Variants in CACNA1D observed in about 807,000 individuals in gnomAD.
CACNA1D encodes voltage-dependent L-type calcium channel subunit alpha-1D.
In CACNA1D, 55 loss-of-function variants were observed where a neutral mutation model predicts 257.1. The observed-to-expected ratio is 0.21, with a 90% CI of 0.17 to 0.27. The LOEUF (loss-of-function observed/expected upper bound fraction) is 0.27. CACNA1D is among the 10% of genes least tolerant of loss of function. CACNA1D has a pLI of 1.00. For missense variants in CACNA1D, 1,876 were observed against 2,784.0 expected, an observed-to-expected ratio of 0.67 and a Z score of 7.34; for synonymous variants, 980 against 1,014.9, an observed-to-expected ratio of 0.97 and a Z score of 0.65.
chr3:53,648,639 C>G (rs548734159), intron 3 of CACNA1D, among the ~76,000 whole-genome samples: 1 of 151,830 alleles, frequency 6.6e-6, no homozygotes, highest in African/African-American at 2.4e-5. Flanking sequence ...AGGGCATCCT[C>G]GTAGCTCTGA....
chr3:53,513,678 A>T (rs142179592), intron 3 of CACNA1D, among the ~76,000 whole-genome samples: 1 of 152,336 alleles, frequency 6.6e-6, no homozygotes, highest in Non-Finnish European at 1.5e-5. Context: ...TACGGTATTT[A>T]TAAAGTGTAT....
At chr3:53,531,181 C>T (rs1195948167) in intron 3 of CACNA1D, among the ~76,000 whole-genome samples, 5 of 152,148 alleles carry the variant, frequency 3.3e-5, no homozygotes, top group African/African-American at 4.8e-5. Flanking sequence ...CATATCAAGT[C>T]TGGCCTCCTT....
chr3:53,591,611 T>A (rs1298702675), intron 3 of CACNA1D, among the ~76,000 whole-genome samples: 1 of 152,224 alleles, frequency 6.6e-6, no homozygotes, highest in Non-Finnish European at 1.5e-5. Context: ...CTCCGGACTC[T>A]GAGCCTGTGT....
In CACNA1D at chr3:53,811,351, C is replaced by A. The variant is rs747919321; in HGVS notation, c.6431C>A (p.Pro2144His). The A allele has an allele frequency of 5.6e-6, 9 of 1,598,284 alleles. No homozygotes were observed. The Admixed American group carries it at 1.5e-4, about 27-fold the overall frequency. The stretch of plus-strand genomic sequence containing the variant: ...GGCTACAGCGACGAAGAGCCAGACC[C>A]TGGGAGGGATGAGGAGGACCTGGCG... ...GPGYSDEEPD[P>H]GRDEEDLADE... Residue 2144 changes from proline (P) to histidine (H), a missense_variant, in exon 48 of 48, where the codon CCT becomes CAT. By Grantham distance (77) the Pro-to-His change is moderately conservative. Around this residue, in one of 10 missense-constraint regions of CACNA1D, gnomAD observed 491 missense variants for 554.3 expected, o/e 0.89. Coordinates refer to ENST00000350061, the MANE Select transcript of CACNA1D (RefSeq NM_001128840.3). This position sits in a 1 kb window ranked among gnomAD's most constrained non-coding sequence, Gnocchi z 4.2.
At chr3:53,557,887 T>C (rs2092675188) in intron 3 of CACNA1D, among the ~76,000 whole-genome samples, 1 of 152,244 alleles carries the variant, frequency 6.6e-6, no homozygotes, top group Non-Finnish European at 1.5e-5. Context: ...TGCTGACTTC[T>C]ACCAAAAAAG....
chr3:53,739,794 G>T (rs79870696), intron 20 of CACNA1D, among the ~76,000 whole-genome samples: 1,990 of 152,280 alleles, frequency 0.013, 49 homozygotes, highest in African/African-American at 0.045. Flanking sequence ...ATGCGAGGGG[G>T]CATATGGAAG....
At chr3:53,810,400 G>A in intron 47 of CACNA1D, 102 bp downstream of exon 47, 2 of 1,135,572 alleles carry the variant, frequency 1.8e-6, no homozygotes, top group Non-Finnish European at 1.3e-6. Flanking sequence ...GCCAGGCTGT[G>A]AGCTAGGCTG....
intron 3 of CACNA1D, among the ~76,000 whole-genome samples, chr3:53,552,065 G>A (rs1334491741): frequency 1.3e-5 from 2 of 152,198 alleles, no homozygotes; most frequent in Non-Finnish European, 2.9e-5. Context: ...TCTTCCCTCT[G>A]GGGGTGGATC....
At chr3:53,662,081 C>T (rs1191631916) in intron 5 of CACNA1D, among the ~76,000 whole-genome samples, 1 of 152,156 alleles carries the variant, frequency 6.6e-6, no homozygotes, top group African/African-American at 2.4e-5. Flanking sequence ...GATTTCTTCT[C>T]TAGTACTTGA....
At chr3:53,555,670 A>G (rs983696820) in intron 3 of CACNA1D, among the ~76,000 whole-genome samples, 1 of 152,008 alleles carries the variant, frequency 6.6e-6, no homozygotes, top group African/African-American at 2.4e-5. Flanking sequence ...CCAACTTGTT[A>G]TCAGTTGCGC....
At chr3:53,604,349 A>G (rs1390049891) in intron 3 of CACNA1D, among the ~76,000 whole-genome samples, 1 of 152,208 alleles carries the variant, frequency 6.6e-6, no homozygotes, top group East Asian at 1.9e-4. Flanking sequence ...TGGCCAGCAG[A>G]TGGGGAGTGG....
chr3:53,521,442 A>G, intron 3 of CACNA1D, among the ~76,000 whole-genome samples: 1 of 152,198 alleles, frequency 6.6e-6, no homozygotes, highest in East Asian at 1.9e-4. Flanking sequence ...TGAGTCTTCA[A>G]GGTTGCCTGT....
At chr3:53,718,883 C>A (rs867257001) in intron 10 of CACNA1D, 1 of 735,254 alleles carries the variant, frequency 1.4e-6, no homozygotes, top group African/African-American at 1.8e-5. Flanking sequence ...TCAGGCCTGG[C>A]GGTTGGATGA....
intron 20 of CACNA1D, among the ~76,000 whole-genome samples, chr3:53,739,292 G>A (rs1010651026): frequency 1.2e-4 from 19 of 152,242 alleles, no homozygotes; most frequent in African/African-American, 4.1e-4. Flanking sequence ...GGTCTCCACA[G>A]TCCCTTCTAG....
intron 3 of CACNA1D, among the ~76,000 whole-genome samples, chr3:53,504,535 C>A (rs1288314240): frequency 6.6e-6 from 1 of 152,228 alleles, no homozygotes; most frequent in East Asian, 1.9e-4. Context: ...TCTCAAGTTT[C>A]TCTGCAGCTT....
At chr3:53,527,367 C>CAT in intron 3 of CACNA1D, among the ~76,000 whole-genome samples, 1 of 152,320 alleles carries the variant, frequency 6.6e-6, no homozygotes, top group East Asian at 1.9e-4. Flanking sequence ...GCCTTGAGTT[C>CAT]ATATAGTGAA....
At chr3:53,720,871 G>A (rs58725641) in intron 11 of CACNA1D, among the ~76,000 whole-genome samples, 10 of 152,188 alleles carry the variant, frequency 6.6e-5, no homozygotes, top group East Asian at 1.9e-4. Context: ...TATTTACCAC[G>A]TTTATATTTG....
intron 30 of CACNA1D, among the ~76,000 whole-genome samples, chr3:53,765,095 A>G (rs1042367764): frequency 6.6e-6 from 1 of 152,206 alleles, no homozygotes; most frequent in East Asian, 1.9e-4. Context: ...CTGGGCATCT[A>G]TCACTTACAG....
At chr3:53,717,659 A>G (rs964562386) in intron 9 of CACNA1D, among the ~76,000 whole-genome samples, 7 of 152,192 alleles carry the variant, frequency 4.6e-5, no homozygotes, top group African/African-American at 1.7e-4. Flanking sequence ...TCGTAACACT[A>G]TAATTCCTTG....
Sources: allele counts gnomAD v4.1 joint callset (sites outside exome capture counted in the v4.1 genomes callset), GRCh38; gene constraint gnomAD v4.1.1; regional missense constraint gnomAD v4.1.1; non-coding constraint Gnocchi (gnomAD v3.1); transcripts MANE v1.5; gene names NCBI Gene and HGNC (gene_info 2026-07-23, HGNC 2026-07-21).